The following ARNT2 variants were observed in gnomAD, a reference collection of about 807,000 sequenced individuals.
The protein encoded by ARNT2 is aryl hydrocarbon receptor nuclear translocator 2.
Under a neutral mutation model 91.7 loss-of-function variants are expected in ARNT2, and 36 were observed. The ratio of observed to expected loss-of-function variants is 0.39; its 90% confidence interval spans 0.30 to 0.52. ARNT2 has a LOEUF of 0.52. ARNT2 is among the 20% of genes least tolerant of loss of function. The probability of loss-of-function intolerance (pLI) is 0.72; values close to 1 mark genes in which losing one functional copy is unlikely to be tolerated. For synonymous variants in ARNT2, 365 were observed against 347.1 expected, an observed-to-expected ratio of 1.05 and a Z score of -0.57; for missense variants, 775 against 939.3, an observed-to-expected ratio of 0.83 and a Z score of 2.29.
chr15:80,495,781 G>A (rs1897118238), intron 5 of ARNT2, among the ~76,000 whole-genome samples: 1 of 152,146 alleles, frequency 6.6e-6, no homozygotes, highest in Admixed American at 6.5e-5. Context: ...ACAGGACTTT[G>A]TACTATTCTC....
chr15:80,511,035 C>T (rs1482875866), intron 6 of ARNT2, among the ~76,000 whole-genome samples: 4 of 151,912 alleles, frequency 2.6e-5, no homozygotes, highest in Non-Finnish European at 5.9e-5. Context: ...GGTATATACC[C>T]AAAGAACTAT....
intron 6 of ARNT2, 109 bp from the exon 7 acceptor site, chr15:80,513,802 G>T: frequency 1.1e-6 from 1 of 929,434 alleles, no homozygotes; most frequent in Non-Finnish European, 1.7e-6. Flanking sequence ...GGCGTCACCT[G>T]AATAAATGTG....
rs529386827 is a variant in ARNT2, at chr15:80,514,842, C to T, written c.877+437C>T. On this transcript the variant is annotated intron_variant, in intron 8 of 18. Transcript: ENST00000303329. The stretch of plus-strand genomic sequence containing the variant: ...CAGAGGTTGCAGTGAGCCAAGATTT[C>T]GCCACTGTATTCCAGCCTGGGCAAC... Among the ~76,000 whole-genome samples, 458 of 152,188 alleles carry T rather than the reference C, an allele frequency of 3.0e-3. 5 individuals carry two copies. Among genetic ancestry groups the T allele is most frequent in the Non-Finnish European group, 7.6e-4 (52 of 68,000 alleles).
intron 5 of ARNT2, among the ~76,000 whole-genome samples, chr15:80,485,953 A>G (rs2141407366): frequency 6.6e-6 from 1 of 152,292 alleles, no homozygotes; most frequent in African/African-American, 2.4e-5. Flanking sequence ...GCTTAAAACA[A>G]TGGGAATGTG....
At chr15:80,583,413 T>C (rs906058877) in intron 17 of ARNT2, among the ~76,000 whole-genome samples, 2 of 152,156 alleles carry the variant, frequency 1.3e-5, no homozygotes, top group Non-Finnish European at 2.9e-5. Context: ...GAAGTATAAA[T>C]GGAGACGGGA....
intron 4 of ARNT2, among the ~76,000 whole-genome samples, chr15:80,470,887 AG>A (rs371541798): frequency 7.9e-5 from 12 of 152,364 alleles, no homozygotes; most frequent in African/African-American, 2.9e-4. Flanking sequence ...AACAGATGCT[AG>A]TGAGGTTGCA....
intron 1 of ARNT2, among the ~76,000 whole-genome samples, chr15:80,446,053 G>C (rs1896298998): frequency 6.6e-6 from 1 of 152,168 alleles, no homozygotes; most frequent in Non-Finnish European, 1.5e-5. Context: ...GCTGTGCCAG[G>C]CATCATTCTA....
chr15:80,462,691 T>A (rs895840445), intron 3 of ARNT2, among the ~76,000 whole-genome samples: 9 of 152,186 alleles, frequency 5.9e-5, no homozygotes, highest in Admixed American at 4.6e-4. Context: ...TCTTTAACCT[T>A]TTTAGAAATG....
chr15:80,463,703 G>GGA (rs1183459707), intron 3 of ARNT2, among the ~76,000 whole-genome samples: 1 of 151,510 alleles, frequency 6.6e-6, no homozygotes, highest in Non-Finnish European at 1.5e-5. Flanking sequence ...CTCAGCCTCC[G>GGA]GAGTAGCTGG....
intron 1 of ARNT2, among the ~76,000 whole-genome samples, chr15:80,407,288 C>A (rs898863772): frequency 6.6e-6 from 1 of 152,214 alleles, no homozygotes; most frequent in Admixed American, 6.5e-5. Flanking sequence ...TTTACAATGA[C>A]ACTCTTCTGT....
chr15:80,463,997 A>G (rs1324876330), intron 3 of ARNT2, among the ~76,000 whole-genome samples: 2 of 152,180 alleles, frequency 1.3e-5, no homozygotes, highest in Non-Finnish European at 2.9e-5. Context: ...CCTGATTTGA[A>G]ATGATAGTGC....
intron 8 of ARNT2, among the ~76,000 whole-genome samples, chr15:80,531,022 C>CT (rs1215730436): frequency 2.0e-5 from 3 of 152,098 alleles, no homozygotes; most frequent in Non-Finnish European, 4.4e-5. Flanking sequence ...GCCAAAGAAG[C>CT]TTTTTTTGCC....
intron 3 of ARNT2, among the ~76,000 whole-genome samples, chr15:80,464,531 G>T (rs899666128): frequency 3.9e-5 from 6 of 152,164 alleles, no homozygotes; most frequent in African/African-American, 1.4e-4. Flanking sequence ...GGACACACAG[G>T]TATCTTGTAG....
At chr15:80,557,650 G>A (rs1038766796) in intron 11 of ARNT2, among the ~76,000 whole-genome samples, 1 of 151,978 alleles carries the variant, frequency 6.6e-6, no homozygotes, top group African/African-American at 2.4e-5. Flanking sequence ...TCCTTTCCCA[G>A]CCCCCAGTCC....
intron 1 of ARNT2, among the ~76,000 whole-genome samples, chr15:80,416,051 C>T (rs1275411998): frequency 6.6e-6 from 1 of 152,142 alleles, no homozygotes; most frequent in Non-Finnish European, 1.5e-5. Context: ...ACACTTGGTG[C>T]TTAAAAAATA....
chr15:80,415,145 C>A (rs1186235904), intron 1 of ARNT2, among the ~76,000 whole-genome samples: 1 of 152,222 alleles, frequency 6.6e-6, no homozygotes. Context: ...AAACTGCAGG[C>A]CTTATTCCCA....
intron 1 of ARNT2, among the ~76,000 whole-genome samples, chr15:80,427,379 C>T (rs1452691935): frequency 6.6e-6 from 1 of 152,048 alleles, no homozygotes; most frequent in African/African-American, 2.4e-5. Context: ...GACTGTCCTG[C>T]TCTATTTTGA....
chr15:80,442,387 TCTCAGTGTGAAATTACTAGG>T (rs1199052121), intron 1 of ARNT2, among the ~76,000 whole-genome samples: 7 of 152,218 alleles, frequency 4.6e-5, no homozygotes, highest in African/African-American at 1.7e-4. Context: ...AGCATGCATT[TCTCAGTGTGAAATTACTAGG>T]CTCTGTGCCT....
At chr15:80,486,933 C>T (rs1896984826) in intron 5 of ARNT2, among the ~76,000 whole-genome samples, 1 of 152,162 alleles carries the variant, frequency 6.6e-6, no homozygotes, top group African/African-American at 2.4e-5. Flanking sequence ...TCCTCTGCTT[C>T]ACTTTCCTGC....
Sources: allele counts gnomAD v4.1 joint callset (sites outside exome capture counted in the v4.1 genomes callset), GRCh38; gene constraint gnomAD v4.1.1; transcripts MANE v1.5; gene names NCBI Gene and HGNC (gene_info 2026-07-23, HGNC 2026-07-21).